Variants in GLIS3 observed in about 807,000 individuals in gnomAD.
GLIS3 encodes zinc finger protein GLIS3.
GLIS3 carries 53 observed loss-of-function variants against 78.6 expected under a neutral mutation model. The observed-to-expected ratio is 0.67, with a 90% CI of 0.54 to 0.85. GLIS3 has a LOEUF of 0.85. Ranked by LOEUF, GLIS3 falls within the 40% of genes least tolerant of loss-of-function variation. The pLI is 0.00. For synonymous variants in GLIS3, 684 were observed against 509.9 expected, an observed-to-expected ratio of 1.34 and a Z score of -4.60; for missense variants, 1,703 against 1,231.1, an observed-to-expected ratio of 1.38 and a Z score of -5.74.
At chr9:4,209,084 G>C (rs1311068107) in intron 2 of GLIS3, among the ~76,000 whole-genome samples, 3 of 152,170 alleles carry the variant, frequency 2.0e-5, no homozygotes, top group Non-Finnish European at 2.9e-5. Context: ...CATTTTAAAA[G>C]ATGACATATA....
chr9:3,928,602 C>A (rs1219638042), intron 6 of GLIS3, among the ~76,000 whole-genome samples: 2 of 152,134 alleles, frequency 1.3e-5, no homozygotes, highest in Non-Finnish European at 2.9e-5. Flanking sequence ...CCAAAAGTTA[C>A]CAGTTCTCTA....
chr9:3,883,228 C>G (rs887525389), intron 7 of GLIS3, among the ~76,000 whole-genome samples: 13 of 152,178 alleles, frequency 8.5e-5, no homozygotes, highest in African/African-American at 3.1e-4. Flanking sequence ...GACCATATCA[C>G]AGTCATGCAT....
rs540138107 is a variant in GLIS3, at chr9:4,003,820, A to G, written c.1711-66631T>C. Among the ~76,000 whole-genome samples the G allele has an allele frequency of 2.6e-5, 4 of 152,344 alleles. No individual in the cohort carries two copies. The East Asian group carries it at 7.7e-4, about 29-fold the overall frequency. ...AATGAAGACAGACGCTTACTCTTGC[A>G]ACTTTCTAAAATTCTTTCTTTGGTG... On this transcript the variant is annotated intron_variant, in intron 4 of 10. Transcript: ENST00000381971.
rs933619673 is a variant in GLIS3 at position 4,023,971 on chromosome 9, C to G, written c.1711-86782G>C. On this transcript the variant is annotated intron_variant, in intron 4 of 10. Transcript: ENST00000381971. ...GTCAAACAAGGGTGGTGAATCTAGTCATGAAGAGTAAGACCATGTTTCATT... is the reference window on the plus strand; with the variant it reads ...GTCAAACAAGGGTGGTGAATCTAGTGATGAAGAGTAAGACCATGTTTCATT... 7.3e-4 allele frequency among the ~76,000 whole-genome samples: 109 copies of G among 149,774 alleles called. 4 individuals are homozygous for G. Among genetic ancestry groups the G allele is most frequent in the Non-Finnish European group, 7.4e-5 (5 of 67,662 alleles).
intron 2 of GLIS3, among the ~76,000 whole-genome samples, chr9:4,276,785 A>C (rs538787151): frequency 1.3e-5 from 2 of 152,342 alleles, no homozygotes; most frequent in Non-Finnish European, 2.9e-5. Context: ...CAAAGCATCA[A>C]TAAATCATAC....
At chr9:4,033,665 G>A (rs552496540) in intron 4 of GLIS3, among the ~76,000 whole-genome samples, 1 of 152,148 alleles carries the variant, frequency 6.6e-6, no homozygotes, top group African/African-American at 2.4e-5. Flanking sequence ...AAATCTCTAG[G>A]TGATTCCTAT....
the GLIS3 span, among the ~76,000 whole-genome samples, chr9:4,384,403 A>G: frequency 3.3e-5 from 5 of 152,216 alleles, no homozygotes; most frequent in African/African-American, 4.8e-5. Flanking sequence ...TAAGTTGTCA[A>G]TATCAGCTTT....
chr9:3,853,336 A>G (rs12353257), intron 9 of GLIS3, among the ~76,000 whole-genome samples: 3,791 of 152,060 alleles, frequency 0.025, 185 homozygotes, highest in African/African-American at 0.088. Flanking sequence ...GGGGAAAATA[A>G]TGGGTAGATC....
At chr9:4,241,252 G>C (rs1043502051) in intron 2 of GLIS3, among the ~76,000 whole-genome samples, 1 of 152,118 alleles carries the variant, frequency 6.6e-6, no homozygotes, top group Non-Finnish European at 1.5e-5. Flanking sequence ...GCAAAAGATG[G>C]TGTCTCCCAA....
chr9:4,188,006 TG>T (rs1299225222), intron 2 of GLIS3, among the ~76,000 whole-genome samples: 1 of 152,132 alleles, frequency 6.6e-6, no homozygotes, highest in African/African-American at 2.4e-5. Flanking sequence ...CCTTCCTAAA[TG>T]CCCTGGCCAG....
chr9:4,396,998 T>C, the GLIS3 span, among the ~76,000 whole-genome samples: 1 of 151,586 alleles, frequency 6.6e-6, no homozygotes, highest in Non-Finnish European at 1.5e-5. Flanking sequence ...TGCCCTGTGG[T>C]TTTGTCAATC....
At chr9:4,182,822 A>T (rs903820850) in intron 2 of GLIS3, among the ~76,000 whole-genome samples, 2 of 152,220 alleles carry the variant, frequency 1.3e-5, no homozygotes, top group African/African-American at 4.8e-5. Flanking sequence ...CCATTTACTG[A>T]ACACCTACCA....
chr9:3,905,687 A>G (rs1823649670), intron 6 of GLIS3, among the ~76,000 whole-genome samples: 1 of 152,100 alleles, frequency 6.6e-6, no homozygotes, highest in East Asian at 1.9e-4. Context: ...AGGATGGGGC[A>G]CTGTCATGGT....
chr9:4,047,907 T>C (rs1252066463), intron 4 of GLIS3, among the ~76,000 whole-genome samples: 2 of 152,206 alleles, frequency 1.3e-5, no homozygotes, highest in Non-Finnish European at 2.9e-5. Flanking sequence ...AGATGAACTC[T>C]GTTGGGACAG....
chr9:4,158,957 T>A (rs1291816343), intron 2 of GLIS3, among the ~76,000 whole-genome samples: 15 of 127,372 alleles, frequency 1.2e-4, no homozygotes, highest in African/African-American at 4.8e-4. Context: ...GGGGGCGGAG[T>A]CCCGGGCAGA....
chr9:4,188,354 T>C (rs1157372235), intron 2 of GLIS3, among the ~76,000 whole-genome samples: 1 of 148,986 alleles, frequency 6.7e-6, no homozygotes, highest in Non-Finnish European at 1.5e-5. Context: ...GCCCACTTGA[T>C]CATGGTGGAT....
intron 2 of GLIS3, among the ~76,000 whole-genome samples, chr9:4,278,601 T>C (rs1430030676): frequency 6.6e-6 from 1 of 152,164 alleles, no homozygotes; most frequent in Non-Finnish European, 1.5e-5. Flanking sequence ...GAAACTCCTC[T>C]CTCTAGAAGA....
At chr9:4,461,763 C>A in the GLIS3 span, among the ~76,000 whole-genome samples, 1 of 152,162 alleles carries the variant, frequency 6.6e-6, no homozygotes, top group Non-Finnish European at 1.5e-5. Context: ...CATGTCCCAA[C>A]TAGCATTACA....
intron 4 of GLIS3, among the ~76,000 whole-genome samples, chr9:4,107,234 G>C (rs1452389713): frequency 6.6e-6 from 1 of 152,174 alleles, no homozygotes; most frequent in Non-Finnish European, 1.5e-5. Context: ...GGCACTTCTA[G>C]TTCCTTGTGG....
Sources: allele counts gnomAD v4.1 joint callset (sites outside exome capture counted in the v4.1 genomes callset), GRCh38; gene constraint gnomAD v4.1.1; transcripts MANE v1.5; gene names NCBI Gene and HGNC (gene_info 2026-07-23, HGNC 2026-07-21).